Variants in SNX30 observed in about 807,000 individuals in gnomAD.
The protein encoded by SNX30 is sorting nexin-30.
Under a neutral mutation model 46.4 loss-of-function variants are expected in SNX30, and 24 were observed. The observed-to-expected ratio is 0.52, with a 90% CI of 0.37 to 0.73. SNX30 has a LOEUF of 0.73. SNX30 is among the 30% of genes least tolerant of loss of function. The pLI, the probability that SNX30 is intolerant of heterozygous loss-of-function variation, is 0.00. For synonymous variants in SNX30, 189 were observed against 211.5 expected (o/e 0.89, Z 0.92); for missense variants, 533 against 555.7 (o/e 0.96, Z 0.41).
chr9:112,848,855 T>C (rs1425893463), intron 6 of SNX30, among the ~76,000 whole-genome samples: 1 of 152,090 alleles, frequency 6.6e-6, no homozygotes, highest in Non-Finnish European at 1.5e-5. Context: ...TGTAGCTGAG[T>C]GGGGTTGATG....
At chr9:112,754,790 GCTT>G (rs1350946433) in intron 1 of SNX30, among the ~76,000 whole-genome samples, 1 of 152,110 alleles carries the variant, frequency 6.6e-6, no homozygotes, top group Non-Finnish European at 1.5e-5. Context: ...GCTCCAGGCT[GCTT>G]CTCCTCTGAC....
chr9:112,753,255 CA>C (rs1162371916), intron 1 of SNX30, among the ~76,000 whole-genome samples: 1 of 152,146 alleles, frequency 6.6e-6, no homozygotes, highest in African/African-American at 2.4e-5. Context: ...ACTTGGAAGA[CA>C]AATTCCCCGT....
At chr9:112,880,831 C>T (rs558283302) in intron 5 of SNX30, among the ~76,000 whole-genome samples, 10 of 152,250 alleles carry the variant, frequency 6.6e-5, no homozygotes, top group African/African-American at 2.4e-4. Context: ...GAATTTATGG[C>T]ACTGAGTGGG....
At chr9:112,793,797 GTTTTTTGTTTT>G (rs1840063776) in intron 1 of SNX30, among the ~76,000 whole-genome samples, 1 of 137,112 alleles carries the variant, frequency 7.3e-6, no homozygotes, top group Admixed American at 7.5e-5. Context: ...TACCTCCACT[GTTTTTTGTTTT>G]TTTTTTTTTC....
intron 6 of SNX30, 67 bp downstream of exon 6, chr9:112,838,764 G>A (rs1840809086): frequency 3.4e-6 from 5 of 1,458,602 alleles, no homozygotes; most frequent in Non-Finnish European, 4.8e-6. Flanking sequence ...GAAAGTAATG[G>A]ATTATTGCCT....
At chr9:112,834,950 A>C (rs1243846294) in intron 4 of SNX30, among the ~76,000 whole-genome samples, 1 of 151,888 alleles carries the variant, frequency 6.6e-6, no homozygotes, top group Admixed American at 6.6e-5. Context: ...CGAAGAAGGA[A>C]GTGAATTCAC....
At chr9:112,840,383 A>G (rs919364862) in intron 6 of SNX30, among the ~76,000 whole-genome samples, 3 of 152,226 alleles carry the variant, frequency 2.0e-5, no homozygotes, top group Admixed American at 6.5e-5. Context: ...ATACACATTG[A>G]ATTTTTGATC....
chr9:112,842,977 AG>A (rs1840882876), intron 6 of SNX30, among the ~76,000 whole-genome samples: 1 of 152,248 alleles, frequency 6.6e-6, no homozygotes, highest in Admixed American at 6.5e-5. Context: ...AGACATCCAC[AG>A]GTGAGCCCTT....
chr9:112,864,401 T>C lies in SNX30; in HGVS notation c.1254+2T>C, dbSNP rs1295249531. 2 of 1,614,008 alleles carry C rather than the reference T, an allele frequency of 1.2e-6. No homozygotes were observed. The highest frequency in any genetic ancestry group is 2.2e-5 in the East Asian group (1 of 44,900). ...AAGAACATCCAGTATTATGAGAAGG[T>C]AATGAGTGTGCCCAACAAGACTGGT... is the stretch of plus-strand genomic sequence containing the variant. On this transcript the variant is annotated splice_donor_variant, in intron 8 of 8. Transcript: ENST00000374232. LOFTEE classifies it high-confidence loss of function.
At chr9:112,781,671 G>GC (rs1839849047) in intron 1 of SNX30, among the ~76,000 whole-genome samples, 1 of 151,564 alleles carries the variant, frequency 6.6e-6, no homozygotes, top group African/African-American at 2.4e-5. Context: ...TTGCTCTGTT[G>GC]CCCAGGCTGG....
At chr9:112,785,328 A>C (rs1588115143) in intron 1 of SNX30, among the ~76,000 whole-genome samples, 1 of 148,894 alleles carries the variant, frequency 6.7e-6, no homozygotes, top group Non-Finnish European at 1.5e-5. Flanking sequence ...CGATCCTCCC[A>C]CCTCATCCTC....
intron 8 of SNX30, among the ~76,000 whole-genome samples, chr9:112,866,739 ACATCCTCAGAACTCCTCCTG>A (rs1841350611): frequency 7.8e-6 from 1 of 128,836 alleles, no homozygotes; most frequent in Non-Finnish European, 1.7e-5. Flanking sequence ...AACTCCTCCC[ACATCCTCAGAACTCCTCCTG>A]CCTCCTCAGA....
At chr9:112,852,881 C>T (rs1347234417) in intron 7 of SNX30, among the ~76,000 whole-genome samples, 3 of 152,232 alleles carry the variant, frequency 2.0e-5, no homozygotes, top group Non-Finnish European at 2.9e-5. Flanking sequence ...CTGCCGCTGC[C>T]GCCATGCCAA....
chr9:112,845,325 A>C (rs1340373949), intron 6 of SNX30, among the ~76,000 whole-genome samples: 1 of 152,140 alleles, frequency 6.6e-6, no homozygotes, highest in Non-Finnish European at 1.5e-5. Context: ...TGGGGGAAAA[A>C]ACTGAGAAGC....
chr9:112,772,820 T>C (rs1290454770), intron 1 of SNX30, among the ~76,000 whole-genome samples: 1 of 152,176 alleles, frequency 6.6e-6, no homozygotes, highest in African/African-American at 2.4e-5. Flanking sequence ...GTTTGCTCCT[T>C]GATTTAAAAC....
chr9:112,780,807 T>G (rs907439704), intron 1 of SNX30, among the ~76,000 whole-genome samples: 4 of 152,342 alleles, frequency 2.6e-5, no homozygotes, highest in African/African-American at 7.2e-5. Flanking sequence ...TAGTCACCAC[T>G]GACAGAGGAA....
intron 3 of SNX30, among the ~76,000 whole-genome samples, chr9:112,826,123 T>C (rs1840576149): frequency 6.6e-6 from 1 of 152,200 alleles, no homozygotes; most frequent in Non-Finnish European, 1.5e-5. Flanking sequence ...CAGGCCATCC[T>C]CTCAAGTCTT....
intron 7 of SNX30, among the ~76,000 whole-genome samples, chr9:112,860,610 C>G (rs1841210356): frequency 6.6e-6 from 1 of 152,208 alleles, no homozygotes; most frequent in Non-Finnish European, 1.5e-5. Context: ...GGTGTTAGAG[C>G]CACAACCCCA....
At chr9:112,791,854 A>C (rs1343942819) in intron 1 of SNX30, among the ~76,000 whole-genome samples, 1 of 152,210 alleles carries the variant, frequency 6.6e-6, no homozygotes. Context: ...AATATAGTGT[A>C]ATGAAGTAAT....
Sources: gnomAD v4.1 joint callset for allele counts (sites outside exome capture counted in the v4.1 genomes callset) on GRCh38, gnomAD v4.1.1 for gene constraint, MANE v1.5 for transcripts, NCBI Gene and HGNC (gene_info 2026-07-23, HGNC 2026-07-21) for gene names.